INHBE: variants seen among roughly 807,000 people sequenced by gnomAD.
INHBE encodes the protein inhibin subunit beta E.
Under a neutral mutation model 27.8 loss-of-function variants are expected in INHBE, and 19 were observed. That is an observed-to-expected ratio of 0.68 (90% confidence interval 0.48 to 1.00). The LOEUF (loss-of-function observed/expected upper bound fraction) is 1.00, where lower values mean the gene tolerates loss of function less well. Ranked by LOEUF, INHBE falls within the 50% of genes least tolerant of loss-of-function variation. The pLI, the probability that INHBE is intolerant of heterozygous loss-of-function variation, is 0.00. For missense variants in INHBE, 398 were observed against 433.9 expected, an observed-to-expected ratio of 0.92 and a Z score of 0.73; for synonymous variants, 196 against 187.2, an observed-to-expected ratio of 1.05 and a Z score of -0.38.
chr12:57,455,749 G>A lies in INHBE; in HGVS notation c.213G>A (p.Ala71=), dbSNP rs1260382958. The A allele has an allele frequency of 3.1e-6, 5 of 1,613,896 alleles. No individual in the cohort carries two copies. The East Asian group carries it at 8.9e-5, about 29-fold the overall frequency. Residue 71 remains alanine (A), a synonymous_variant, in exon 1 of 2, where the codon GCG becomes GCA. Coordinates refer to ENST00000266646, the MANE Select transcript of INHBE (RefSeq NM_031479.5). ...PRITHPPPQA[A]LTRALRRLQP... is the part of the protein sequence containing the mutation. ...TAACTCATCCTCCACCCCAGGCAGCGCTGACCAGAGCCCTCCGGAGACTAC... is the reference window on the plus strand; with the variant it reads ...TAACTCATCCTCCACCCCAGGCAGCACTGACCAGAGCCCTCCGGAGACTAC...
Position 57,457,022 on chromosome 12 carries a change from C to A in INHBE, c.*174C>A. 1.5e-6 allele frequency: 1 copy of A among 665,740 alleles called. No homozygotes were observed. Among genetic ancestry groups the A allele is most frequent in the Admixed American group, 3.0e-5 (1 of 33,744 alleles). The allele number at this position is 665,740 out of a possible 1,614,324, so 41.2% of individuals were successfully genotyped here. On this transcript the variant is annotated 3_prime_UTR_variant, in exon 2 of 2. Transcript: ENST00000266646. ...AATGGGCACTTTCTTGTCTGAGACT[C>A]TGGCTTATTCCAGGTTGGCTGATGT...
Position 57,456,250 on chromosome 12 carries a change from A to G in INHBE, c.455A>G (p.Gln152Arg). ...CGATGGGGACCAAGGAGGAGGCGCC[A>G]AGGGTCCCGCACTCTCCTGGCTGAG... is the stretch of plus-strand genomic sequence containing the variant. ...IFRWGPRRRR[Q>R]GSRTLLAEHH... The change falls in exon 2 of 2, where the codon CAA becomes CGA. Residue 152 changes from glutamine to arginine, a missense_variant. Coordinates refer to ENST00000266646, the MANE Select transcript of INHBE (RefSeq NM_031479.5). 1 of 1,614,024 alleles carries G rather than the reference A, an allele frequency of 6.2e-7. No individual in the cohort carries two copies. The highest frequency in any genetic ancestry group is 1.1e-5 in the South Asian group (1 of 91,078).
chr12:57,455,690 C>T lies in INHBE; in HGVS notation c.154C>T (p.Leu52=), dbSNP rs1870809953. Reference sequence around the variant, plus strand: ...GCTGGAGCTAGCCAAGCAGCAAATCCTGGATGGGTTGCACCTGACCAGTCG... The same window carrying T: ...GCTGGAGCTAGCCAAGCAGCAAATCTTGGATGGGTTGCACCTGACCAGTCG... ...LVLELAKQQI[L]DGLHLTSRPR... is the part of the protein sequence containing the mutation. The change falls in exon 1 of 2, where the codon CTG becomes TTG. Residue 52 remains leucine, a synonymous_variant. Transcript: ENST00000266646. 6.2e-7 allele frequency: 1 copy of T among 1,614,014 alleles called. No homozygotes were observed. The highest frequency in any genetic ancestry group is 1.3e-5 in the African/African-American group (1 of 74,920).
rs937029805 is a variant in INHBE at position 57,456,558 on chromosome 12, G to A, written c.763G>A (p.Asp255Asn). The A allele has an allele frequency of 2.5e-6, 4 of 1,614,176 alleles. No individual in the cohort carries two copies. Among genetic ancestry groups the A allele is most frequent in the Non-Finnish European group, 2.5e-6 (3 of 1,180,038 alleles). Residue 255 changes from aspartate to asparagine, a missense_variant, in exon 2 of 2, where the codon GAC (aspartate) becomes AAC (asparagine). Physicochemically the swap from Asp to Asn is conservative, Grantham distance 23. Coordinates refer to ENST00000266646, the MANE Select transcript of INHBE (RefSeq NM_031479.5). ...PLCCRRDHYV[D>N]FQELGWRDWI... ...ATGTTGCAGGCGAGACCATTACGTAGACTTCCAGGAACTGGGATGGCGGGA... is the reference window on the plus strand; with the variant it reads ...ATGTTGCAGGCGAGACCATTACGTAAACTTCCAGGAACTGGGATGGCGGGA...
rs3741413 is a variant in INHBE at position 57,457,252 on chromosome 12, G to A, written c.*404G>A. The stretch of plus-strand genomic sequence containing the variant: ...GATGGTCCAGCAGGCTTGAAGCAGG[G>A]TAAGCAGGCTGGCCCAGGGTAAGGG... On this transcript the variant is annotated 3_prime_UTR_variant, in exon 2 of 2. Transcript: ENST00000266646. The A allele has an allele frequency of 4.0e-4, 72 of 182,178 alleles. 1 individual carries two copies. In the East Asian group the frequency reaches 1.0e-2, roughly 25 times the overall value. 11.3% of individuals were successfully genotyped at this position (182,178 alleles called of 1,614,324 possible).
At position 57,455,731 on chromosome 12, in the gene INHBE, T is replaced by G. The variant is rs1265875203; in HGVS notation, c.195T>G (p.His65Gln). 16 of 1,613,762 alleles carry G rather than the reference T, an allele frequency of 9.9e-6. No homozygotes were observed. The highest frequency in any genetic ancestry group is 1.4e-5 in the Non-Finnish European group (16 of 1,179,944). Residue 65 changes from histidine (H) to glutamine (Q), a missense_variant, in exon 1 of 2, where the codon CAT (histidine) becomes CAG (glutamine). By Grantham distance (24) the His-to-Gln change is conservative (BLOSUM62 0). Coordinates refer to ENST00000266646, the MANE Select transcript of INHBE (RefSeq NM_031479.5). ...LHLTSRPRIT[H>Q]PPPQAALTRA... ...TGACCAGTCGTCCCAGAATAACTCA[T>G]CCTCCACCCCAGGCAGCGCTGACCA... is the stretch of plus-strand genomic sequence containing the variant.
rs146929823 is a variant in INHBE at position 57,457,208 on chromosome 12, G to A, written c.*360G>A. 20 of 225,882 alleles carry A rather than the reference G, an allele frequency of 8.9e-5. No individual in the cohort carries two copies. Among genetic ancestry groups the A allele is most frequent in the Non-Finnish European group, 1.8e-4 (20 of 113,842 alleles). The allele number at this position is 225,882 out of a possible 1,614,324, so 14.0% of individuals were successfully genotyped here. ...CCAAGATGAGAAAGTCCTCAAGTGAGGGGAGGAGGAAGCAGATAGATGGTC... is the reference window on the plus strand; with the variant it reads ...CCAAGATGAGAAAGTCCTCAAGTGAAGGGAGGAGGAAGCAGATAGATGGTC... On this transcript the variant is annotated 3_prime_UTR_variant, in exon 2 of 2. Transcript: ENST00000266646.
Position 57,456,144 on chromosome 12 carries a change from C to A in INHBE, c.349C>A (p.Arg117=). The A allele has an allele frequency of 6.2e-7, 1 of 1,613,976 alleles. No homozygotes were observed. The highest frequency in any genetic ancestry group is 1.1e-5 in the South Asian group (1 of 91,066). Residue 117 remains arginine (R), a synonymous_variant, in exon 2 of 2, where the codon CGG becomes AGG. Coordinates refer to ENST00000266646, the MANE Select transcript of INHBE (RefSeq NM_031479.5). The part of the protein sequence containing the change: ...SLLTFHLSTP[R]SHHLYHARLW... The stretch of plus-strand genomic sequence containing the variant: ...GCTCACTTTTCACCTGTCCACTCCT[C>A]GGTCCCACCACCTGTACCATGCCCG...
rs1870853754 is a variant in INHBE at position 57,457,029 on chromosome 12, A to G, written c.*181A>G. 1.6e-6 allele frequency: 1 copy of G among 640,802 alleles called. No individual in the cohort carries two copies. Among genetic ancestry groups the G allele is most frequent in the Non-Finnish European group, 2.6e-6 (1 of 377,760 alleles). The allele number at this position is 640,802 out of a possible 1,614,324, so 39.7% of individuals were successfully genotyped here. A position where few individuals can be genotyped will look rare whatever the true frequency, so the allele number is the denominator to read the frequency against. On this transcript the variant is annotated 3_prime_UTR_variant, in exon 2 of 2. Transcript: ENST00000266646. ...ACTTTCTTGTCTGAGACTCTGGCTT[A>G]TTCCAGGTTGGCTGATGTGTTGGGA...
Position 57,455,957 on chromosome 12 carries a change from G to A in INHBE, c.298+123G>A, listed in dbSNP as rs1242315301. On this transcript the variant is annotated intron_variant, in intron 1 of 1. Transcript: ENST00000266646. ...AGAAGGAGGAGCTGGGGCAGGGACT[G>A]GTTGCAGAGGACACAAAGCAGTCTC... The A allele has an allele frequency of 2.9e-6, 4 of 1,364,844 alleles. No homozygotes were observed. In the African/African-American group the frequency reaches 5.7e-5, roughly 20 times the overall value. 84.5% of individuals were successfully genotyped at this position (1,364,844 alleles called of 1,614,324 possible).
At position 57,455,575 on chromosome 12, in the gene INHBE, G is replaced by A; in HGVS notation, c.39G>A (p.Leu13=). The change falls in exon 1 of 2, where the codon CTG becomes CTA. Residue 13 remains leucine, a synonymous_variant. Transcript: ENST00000266646. ...ATGTCCAGCTCTGGCTGGTGCTGCT[G>A]TGGGCACTGGTGCGAGCACAGGGGA... The part of the protein sequence containing the change: ...LPDVQLWLVL[L]WALVRAQGTG... The A allele has an allele frequency of 6.2e-7, 1 of 1,613,446 alleles. No homozygotes were observed. Among genetic ancestry groups the A allele is most frequent in the Non-Finnish European group, 8.5e-7 (1 of 1,179,712 alleles).
Position 57,455,717 on chromosome 12 carries a change from C to G in INHBE, c.181C>G (p.Pro61Ala). 6.2e-7 allele frequency: 1 copy of G among 1,614,040 alleles called. No homozygotes were observed. The highest frequency in any genetic ancestry group is 8.5e-7 in the Non-Finnish European group (1 of 1,179,982). ...GGATGGGTTGCACCTGACCAGTCGT[C>G]CCAGAATAACTCATCCTCCACCCCA... is the stretch of plus-strand genomic sequence containing the variant. The part of the protein sequence containing the change: ...ILDGLHLTSR[P>A]RITHPPPQAA... Residue 61 changes from proline to alanine, a missense_variant, in exon 1 of 2, where the codon CCC becomes GCC. Physicochemically the swap from Pro to Ala is conservative, Grantham distance 27. Coordinates refer to ENST00000266646, the MANE Select transcript of INHBE (RefSeq NM_031479.5).
chr12:57,456,235 CAAG>C lies in INHBE; in HGVS notation c.441_443del (p.Arg151del). The C allele has an allele frequency of 6.2e-7, 1 of 1,614,092 alleles. No homozygotes were observed. The highest frequency in any genetic ancestry group is 2.2e-5 in the East Asian group (1 of 44,872). On this transcript the variant is annotated inframe_deletion, in exon 2 of 2. Coordinates refer to ENST00000266646, the MANE Select transcript of INHBE (RefSeq NM_031479.5). Reference sequence around the variant, plus strand: ...TGCTTGAGGATCTTCCGATGGGGACCAAGGAGGAGGCGCCAAGGGTCCCGCACT... The same window carrying C: ...TGCTTGAGGATCTTCCGATGGGGACCGAGGAGGCGCCAAGGGTCCCGCACT...
chr12:57,456,039 GA>G, intron 1 of INHBE, 54 bp from the exon 2 acceptor site: 1 of 1,557,630 alleles, frequency 6.4e-7, no homozygotes, highest in South Asian at 1.2e-5. Flanking sequence ...GGGAGTCTCA[GA>G]GGAGAGCTTC....
In INHBE at chr12:57,457,573, C is replaced by T. The variant is rs902828313; in HGVS notation, c.*725C>T. ...TCAAGTGATTCTTCTGCCTCAGCCT[C>T]CCGAGCAGCTGGGATTACAGGCGCC... On this transcript the variant is annotated 3_prime_UTR_variant, in exon 2 of 2. Transcript: ENST00000266646. The T allele has an allele frequency of 1.3e-5, 2 of 152,174 alleles. No individual in the cohort carries two copies. The highest frequency in any genetic ancestry group is 2.9e-5 in the Non-Finnish European group (2 of 68,068). The allele number at this position is 152,174 out of a possible 1,614,324, so 9.4% of individuals were successfully genotyped here. A position where few individuals can be genotyped will look rare whatever the true frequency, so the allele number is the denominator to read the frequency against.
chr12:57,456,787 A>T lies in INHBE; in HGVS notation c.992A>T (p.Asn331Ile), dbSNP rs1870847626. ...CTCTCTCTCCTCTACCTGGATCATA[A>T]TGGCAATGTGGTCAAGACGGATGTG... is the stretch of plus-strand genomic sequence containing the variant. ...RPLSLLYLDH[N>I]GNVVKTDVPD... Residue 331 changes from asparagine to isoleucine, a missense_variant, in exon 2 of 2, where the codon AAT becomes ATT. Asn to Ile is a moderately radical substitution (Grantham distance 149, BLOSUM62 -3). Coordinates refer to ENST00000266646, the MANE Select transcript of INHBE (RefSeq NM_031479.5). 1.9e-6 allele frequency: 3 copies of T among 1,614,004 alleles called. No homozygotes were observed. Among genetic ancestry groups the T allele is most frequent in the Non-Finnish European group, 2.5e-6 (3 of 1,180,030 alleles).
Position 57,456,203 on chromosome 12 carries a change from C to G in INHBE, c.408C>G (p.Gly136=). ...TGCACGTGCTCCCCACCCTTCCTGGCACTCTTTGCTTGAGGATCTTCCGAT... is the reference window on the plus strand; with the variant it reads ...TGCACGTGCTCCCCACCCTTCCTGGGACTCTTTGCTTGAGGATCTTCCGAT... The part of the protein sequence containing the change: ...LWLHVLPTLP[G]TLCLRIFRWG... The change falls in exon 2 of 2, where the codon GGC becomes GGG. Residue 136 remains glycine (G), a synonymous_variant. Transcript: ENST00000266646. 2 of 1,614,112 alleles carry G rather than the reference C, an allele frequency of 1.2e-6. No homozygotes were observed. Among genetic ancestry groups the G allele is most frequent in the South Asian group, 2.2e-5 (2 of 91,080 alleles).
At position 57,455,810 on chromosome 12, in the gene INHBE, G is replaced by A; in HGVS notation, c.274G>A (p.Val92Ile). Reference sequence around the variant, plus strand: ...TGTGGCTCCAGGGAATGGGGAGGAGGTCATCAGCTTTGCTACTGTCACAGG... The same window carrying A: ...TGTGGCTCCAGGGAATGGGGAGGAGATCATCAGCTTTGCTACTGTCACAGG... ...GSVAPGNGEE[V>I]ISFATVTDST... The change falls in exon 1 of 2, where the codon GTC becomes ATC. Residue 92 changes from valine (V) to isoleucine (I), a missense_variant. Physicochemically the swap from Val to Ile is conservative, Grantham distance 29 (BLOSUM62 3). Transcript: ENST00000266646. 1.2e-6 allele frequency: 2 copies of A among 1,614,032 alleles called. No homozygotes were observed.
chr12:57,455,713 T>C lies in INHBE; in HGVS notation c.177T>C (p.Ser59=). The C allele has an allele frequency of 1.2e-6, 2 of 1,614,010 alleles. No homozygotes were observed. The highest frequency in any genetic ancestry group is 1.7e-6 in the Non-Finnish European group (2 of 1,179,966). The change falls in exon 1 of 2, where the codon AGT becomes AGC. Residue 59 remains serine, a synonymous_variant. Coordinates refer to ENST00000266646, the MANE Select transcript of INHBE (RefSeq NM_031479.5). ...QQILDGLHLT[S]RPRITHPPPQ... ...TCCTGGATGGGTTGCACCTGACCAGTCGTCCCAGAATAACTCATCCTCCAC... is the reference window on the plus strand; with the variant it reads ...TCCTGGATGGGTTGCACCTGACCAGCCGTCCCAGAATAACTCATCCTCCAC...
Sources: gnomAD v4.1 joint callset for allele counts on GRCh38, gnomAD v4.1.1 for gene constraint, MANE v1.5 for transcripts, NCBI Gene and HGNC (gene_info 2026-07-23, HGNC 2026-07-21) for gene names.